GPC6: variants seen among roughly 807,000 people sequenced by gnomAD.
The protein encoded by GPC6 is glypican 6, also known as glypican-6.
Under a neutral mutation model 55.2 loss-of-function variants are expected in GPC6, and 14 were observed. That is an observed-to-expected ratio of 0.25 (90% CI 0.17 to 0.40). GPC6 has a LOEUF of 0.40. GPC6 is among the 10% of genes least tolerant of loss of function. The pLI is 1.00. For synonymous variants in GPC6, 278 were observed against 259.6 expected (o/e 1.07, Z -0.68); for missense variants, 641 against 708.5 (o/e 0.90, Z 1.08).
chr13:93,348,449 C>T (rs963982239), intron 1 of GPC6, among the ~76,000 whole-genome samples: 2 of 152,138 alleles, frequency 1.3e-5, no homozygotes, highest in African/African-American at 4.8e-5. Context: ...ACCCTTCTGC[C>T]CTCTTACTTG....
chr13:94,098,193 T>C (rs148212412), intron 4 of GPC6, among the ~76,000 whole-genome samples: 1 of 152,326 alleles, frequency 6.6e-6, no homozygotes, highest in Admixed American at 6.5e-5. Context: ...TTTCATAGGA[T>C]TCTTGTTTCA....
At chr13:94,355,475 A>T (rs772242386) in intron 6 of GPC6, among the ~76,000 whole-genome samples, 2 of 152,214 alleles carry the variant, frequency 1.3e-5, no homozygotes, top group African/African-American at 2.4e-5. Flanking sequence ...ATCCCCATAC[A>T]CATCGTACTG....
chr13:93,794,881 A>G (rs1886151954), intron 2 of GPC6, among the ~76,000 whole-genome samples: 1 of 152,228 alleles, frequency 6.6e-6, no homozygotes, highest in African/African-American at 2.4e-5. Context: ...TTAAAAATAG[A>G]TTCAAGTTTT....
intron 4 of GPC6, among the ~76,000 whole-genome samples, chr13:94,042,633 G>C (rs1367307789): frequency 6.6e-6 from 1 of 151,680 alleles, no homozygotes. Flanking sequence ...GGGTTCTTCT[G>C]ATATTTTCTA....
intron 4 of GPC6, among the ~76,000 whole-genome samples, chr13:94,208,767 A>C (rs965918448): frequency 6.7e-6 from 1 of 149,876 alleles, no homozygotes; most frequent in East Asian, 2.0e-4. Flanking sequence ...AAAAAAAAAA[A>C]AAAAAAAAAA....
intron 3 of GPC6, among the ~76,000 whole-genome samples, chr13:94,004,689 C>T (rs1317156091): frequency 1.3e-5 from 2 of 152,132 alleles, no homozygotes; most frequent in African/African-American, 2.4e-5. Flanking sequence ...TACTATGCCA[C>T]AGTGTAAAAT....
chr13:93,369,750 T>C (rs1458062669), intron 1 of GPC6, among the ~76,000 whole-genome samples: 1 of 152,108 alleles, frequency 6.6e-6, no homozygotes. Flanking sequence ...CTGTCAGTAC[T>C]CTATAAGGAG....
chr13:93,596,608 TAA>T (rs1491186791), intron 2 of GPC6, among the ~76,000 whole-genome samples: 1,278 of 42,794 alleles, frequency 0.03, 5 homozygotes, highest in Middle Eastern at 0.094. Context: ...AATAAATAAA[TAA>T]ATATATATAT....
At chr13:94,154,933 T>C (rs10161943) in intron 4 of GPC6, among the ~76,000 whole-genome samples, 42,561 of 152,014 alleles carry the variant, frequency 0.28, 6,471 homozygotes, top group African/African-American at 0.4. Flanking sequence ...CCCAAAAGCA[T>C]TGAGTATTTT....
intron 2 of GPC6, among the ~76,000 whole-genome samples, chr13:93,613,161 G>A (rs1878558661): frequency 6.6e-6 from 1 of 152,156 alleles, no homozygotes. Context: ...GCTGAAAGTT[G>A]CATTGGCCCC....
intron 1 of GPC6, among the ~76,000 whole-genome samples, chr13:93,273,124 T>A (rs182205320): frequency 1.3e-5 from 2 of 152,284 alleles, no homozygotes; most frequent in African/African-American, 4.8e-5. Context: ...AAAGGCAAAT[T>A]GTCTCCTGAG....
chr13:94,270,617 G>A (rs1203908383), intron 4 of GPC6, among the ~76,000 whole-genome samples: 1 of 152,178 alleles, frequency 6.6e-6, no homozygotes, highest in African/African-American at 2.4e-5. Flanking sequence ...TTTCCAAATA[G>A]TGTGTGACAA....
intron 1 of GPC6, among the ~76,000 whole-genome samples, chr13:93,377,048 C>A (rs1193432538): frequency 2.6e-5 from 4 of 152,144 alleles, no homozygotes. Context: ...TCCTTTCTAA[C>A]TTAGATGGTT....
chr13:93,562,036 C>T (rs2139459977), intron 2 of GPC6, among the ~76,000 whole-genome samples: 1 of 152,178 alleles, frequency 6.6e-6, no homozygotes, highest in South Asian at 2.1e-4. Context: ...CAGCGTGTTT[C>T]TGAAATTCAA....
At chr13:94,189,792 C>T (rs1038598489) in intron 4 of GPC6, among the ~76,000 whole-genome samples, 5 of 152,008 alleles carry the variant, frequency 3.3e-5, no homozygotes, top group Admixed American at 3.3e-4. Flanking sequence ...GAGACCGACG[C>T]GGGCAGATCA....
intron 4 of GPC6, among the ~76,000 whole-genome samples, chr13:94,148,959 CAT>C (rs1302168268): frequency 9.8e-6 from 1 of 102,092 alleles, no homozygotes; most frequent in Non-Finnish European, 2.5e-5. Context: ...GCCTAACACA[CAT>C]ACACACACAC....
intron 3 of GPC6, among the ~76,000 whole-genome samples, chr13:93,895,764 C>T (rs542610706): frequency 2.8e-4 from 43 of 152,132 alleles, no homozygotes; most frequent in African/African-American, 9.1e-4. Flanking sequence ...TACAACATAA[C>T]CACCCACAGG....
intron 2 of GPC6, among the ~76,000 whole-genome samples, chr13:93,614,044 T>C (rs1448396415): frequency 6.6e-6 from 1 of 152,222 alleles, no homozygotes; most frequent in Non-Finnish European, 1.5e-5. Flanking sequence ...GCTGTAAAGC[T>C]GTCAGTCTCA....
At chr13:93,767,335 C>G (rs1442239294) in intron 2 of GPC6, among the ~76,000 whole-genome samples, 1 of 152,090 alleles carries the variant, frequency 6.6e-6, no homozygotes, top group Non-Finnish European at 1.5e-5. Context: ...AAATGAGTTT[C>G]AGCTCTATAC....
Sources: allele counts gnomAD v4.1 joint callset (sites outside exome capture counted in the v4.1 genomes callset), GRCh38; gene constraint gnomAD v4.1.1; transcripts MANE v1.5; gene names NCBI Gene and HGNC (gene_info 2026-07-23, HGNC 2026-07-21).